TPD52: variants seen among roughly 807,000 people sequenced by gnomAD.
TPD52 encodes the protein prostate and colon associated protein.
TPD52 carries 17 observed loss-of-function variants against 31.3 expected under a neutral mutation model. The ratio of observed to expected loss-of-function variants is 0.54; its 90% CI spans 0.37 to 0.82. The LOEUF (loss-of-function observed/expected upper bound fraction) is 0.82, where lower values mean the gene tolerates loss of function less well. Ranked by LOEUF, TPD52 falls within the 40% of genes least tolerant of loss-of-function variation. TPD52 has a pLI of 0.00. For missense variants in TPD52, 212 were observed against 240.1 expected, an observed-to-expected ratio of 0.88 and a Z score of 0.77; for synonymous variants, 83 against 89.6, an observed-to-expected ratio of 0.93 and a Z score of 0.42.
intron 1 of TPD52, among the ~76,000 whole-genome samples, chr8:80,131,888 C>A (rs190563262): frequency 6.6e-6 from 1 of 152,074 alleles, no homozygotes; most frequent in African/African-American, 2.4e-5. Flanking sequence ...TAGTTAAGAA[C>A]GCAGCTGTCA....
chr8:80,147,472 T>A (rs1327563525), intron 1 of TPD52, among the ~76,000 whole-genome samples: 1 of 152,136 alleles, frequency 6.6e-6, no homozygotes, highest in Non-Finnish European at 1.5e-5. Flanking sequence ...AGAGAGTACA[T>A]GACAAACAGT....
At chr8:80,086,913 A>G (rs947601749) in intron 1 of TPD52, among the ~76,000 whole-genome samples, 4 of 145,896 alleles carry the variant, frequency 2.7e-5, no homozygotes, top group Non-Finnish European at 4.5e-5. Context: ...AAAAAAATCA[A>G]ATTTACTGAC....
chr8:80,147,229 G>A (rs568058796), intron 1 of TPD52, among the ~76,000 whole-genome samples: 3 of 152,188 alleles, frequency 2.0e-5, no homozygotes, highest in Admixed American at 1.3e-4. Context: ...GAAGTTAAAA[G>A]TACCATTTTT....
At chr8:80,038,843 T>G (rs1410238218) in intron 7 of TPD52, among the ~76,000 whole-genome samples, 2 of 152,234 alleles carry the variant, frequency 1.3e-5, no homozygotes, top group Non-Finnish European at 2.9e-5. Context: ...GTTGTTCATG[T>G]GCACATTATA....
rs577736356 is a variant in TPD52, at chr8:80,108,786, G to C, written c.20-44193C>G. ...TGTTTTTATGACTTTATATGTGGAA[G>C]TTTTGCTGGTTCTTTAAAGTTTTAA... On this transcript the variant is annotated intron_variant, in intron 1 of 7. Transcript: ENST00000518937. Among the ~76,000 whole-genome samples, 3 of 152,290 alleles carry C rather than the reference G, an allele frequency of 2.0e-5. No homozygotes were observed. In the East Asian group the frequency reaches 5.8e-4, roughly 29 times the overall value.
chr8:80,162,774 G>A (rs1811444894), intron 1 of TPD52, among the ~76,000 whole-genome samples: 1 of 151,432 alleles, frequency 6.6e-6, no homozygotes, highest in Non-Finnish European at 1.5e-5. Flanking sequence ...TCAAAAACAG[G>A]CAAAACAGCC....
chr8:80,107,142 T>A (rs1193771278), intron 1 of TPD52, among the ~76,000 whole-genome samples: 1 of 152,152 alleles, frequency 6.6e-6, no homozygotes, highest in East Asian at 1.9e-4. Flanking sequence ...TGAGCCACCA[T>A]GCCCGGCCAT....
chr8:80,164,052 GAGAC>G (rs1554596592), intron 1 of TPD52, among the ~76,000 whole-genome samples: 4 of 100,668 alleles, frequency 4.0e-5, no homozygotes, highest in Admixed American at 1.1e-4. Flanking sequence ...GAGAGAGAGA[GAGAC>G]AGACAGACAG....
At chr8:80,049,084 T>C (rs1467977833) in intron 5 of TPD52, among the ~76,000 whole-genome samples, 7 of 152,210 alleles carry the variant, frequency 4.6e-5, no homozygotes, top group Non-Finnish European at 1.5e-5. Context: ...TCTAGTGATA[T>C]GTACTGAAGA....
chr8:80,123,354 G>GA (rs1343063348), intron 1 of TPD52, among the ~76,000 whole-genome samples: 2 of 152,056 alleles, frequency 1.3e-5, no homozygotes, highest in South Asian at 4.2e-4. Context: ...TGTAGAGGCT[G>GA]AAAAAAAGGG....
intron 1 of TPD52, among the ~76,000 whole-genome samples, chr8:80,067,843 T>G (rs1292269429): frequency 4.0e-5 from 6 of 151,766 alleles, no homozygotes; most frequent in Non-Finnish European, 8.8e-5. Context: ...TCCCCAAACC[T>G]GGGAATCCAA....
chr8:80,031,130 C>T (rs569325255), downstream of TPD52, among the ~76,000 whole-genome samples: 1 of 152,158 alleles, frequency 6.6e-6, no homozygotes, highest in Admixed American at 6.5e-5. Flanking sequence ...TTTGACCCAG[C>T]AGTTTAATAT....
intron 2 of TPD52, 99 bp from the exon 3 acceptor site, chr8:80,053,529 T>C: frequency 8.0e-7 from 1 of 1,254,524 alleles, no homozygotes; most frequent in Non-Finnish European, 1.1e-6. Flanking sequence ...TCATTAAACA[T>C]TTTTTTGAAT....
intron 4 of TPD52, chr8:80,051,271 C>T (rs1215173635): frequency 2.7e-5 from 14 of 511,316 alleles, no homozygotes; most frequent in African/African-American, 8.0e-5. Context: ...TCATGAAGAA[C>T]TAAAAAGACA....
In TPD52 at chr8:80,097,301, A is replaced by G. The variant is rs567162195; in HGVS notation, c.20-32708T>C. ...GAAGCCATCTCCATAACATAAATGT[A>G]TAAGGTGAAGCAGCAAGTGCTGATA... On this transcript the variant is annotated intron_variant, in intron 1 of 7. Coordinates refer to ENST00000518937, the MANE Select transcript of TPD52 (RefSeq NM_001025253.3). Among the ~76,000 whole-genome samples the G allele has an allele frequency of 7.9e-5, 12 of 152,368 alleles. 1 individual carries two copies. The South Asian group carries it at 2.1e-3, about 26-fold the overall frequency.
intron 1 of TPD52, among the ~76,000 whole-genome samples, chr8:80,155,001 G>GGT (rs532465092): frequency 1.4e-5 from 2 of 139,476 alleles, no homozygotes; most frequent in African/African-American, 5.3e-5. Context: ...TTGGTTTTTT[G>GGT]TTTTTTTTTT....
chr8:80,052,540 C>T, intron 3 of TPD52: 1 of 1,058,540 alleles, frequency 9.4e-7, no homozygotes, highest in Non-Finnish European at 1.3e-6. Context: ...GACTCAAGTA[C>T]TGTCATGTTA....
chr8:80,114,930 T>C (rs2130997732), intron 1 of TPD52, among the ~76,000 whole-genome samples: 1 of 152,314 alleles, frequency 6.6e-6, no homozygotes, highest in South Asian at 2.1e-4. Context: ...TTGTGGTTAA[T>C]TGTGTCTGAG....
At chr8:80,111,392 A>C (rs1298419088) in intron 1 of TPD52, among the ~76,000 whole-genome samples, 1 of 152,118 alleles carries the variant, frequency 6.6e-6, no homozygotes, top group African/African-American at 2.4e-5. Context: ...CTCTAGATAG[A>C]GTCAAAATTA....
Sources: allele counts gnomAD v4.1 joint callset (sites outside exome capture counted in the v4.1 genomes callset), GRCh38; gene constraint gnomAD v4.1.1; transcripts MANE v1.5; gene names NCBI Gene and HGNC (gene_info 2026-07-23, HGNC 2026-07-21).